ADCY3: variants seen among roughly 807,000 people sequenced by gnomAD.
The protein encoded by ADCY3 is adenylate cyclase type 3.
ADCY3 carries 70 observed loss-of-function variants against 119.4 expected under a neutral mutation model. The observed-to-expected ratio is 0.59, with a 90% CI of 0.48 to 0.72. The LOEUF (loss-of-function observed/expected upper bound fraction) is 0.72. Ranked by LOEUF, ADCY3 falls within the 30% of genes least tolerant of loss-of-function variation. The pLI, the probability that ADCY3 is intolerant of heterozygous loss-of-function variation, is 0.00. For synonymous variants in ADCY3, 672 were observed against 621.4 expected, an observed-to-expected ratio of 1.08 and a Z score of -1.21; for missense variants, 1,238 against 1,541.6, an observed-to-expected ratio of 0.80 and a Z score of 3.30.
chr2:24,873,111 C>G (rs1675234893), intron 2 of ADCY3, among the ~76,000 whole-genome samples: 3 of 152,228 alleles, frequency 2.0e-5, no homozygotes, highest in Non-Finnish European at 1.5e-5. Flanking sequence ...CGCATTTGCT[C>G]AAGCAGCACT....
chr2:24,909,792 C>G (rs1210466168), intron 2 of ADCY3, among the ~76,000 whole-genome samples: 4 of 152,190 alleles, frequency 2.6e-5, no homozygotes, highest in Non-Finnish European at 5.9e-5. Context: ...TCTCAGACAG[C>G]CTCAGAAGAC....
At chr2:24,884,747 G>T (rs138166226) in intron 2 of ADCY3, among the ~76,000 whole-genome samples, 5 of 152,042 alleles carry the variant, frequency 3.3e-5, no homozygotes, top group Admixed American at 6.5e-5. Context: ...AAAGTGCTGG[G>T]ATTACAGGTG....
Position 24,918,796 on chromosome 2 carries a change from G to A in ADCY3, c.192C>T (p.Asn64=), listed in dbSNP as rs1405540581. 6.2e-7 allele frequency: 1 copy of A among 1,613,912 alleles called. No homozygotes were observed. Among genetic ancestry groups the A allele is most frequent in the Non-Finnish European group, 8.5e-7 (1 of 1,180,034 alleles). Residue 64 remains asparagine, a synonymous_variant, in exon 2 of 22, where the codon AAC becomes AAT. Transcript: ENST00000679454. The surrounding 1 kb of genome is among the most constrained non-coding windows in gnomAD (Gnocchi z 5.4). The part of the protein sequence containing the change: ...RLTFVPESLE[N]LYQTYFKRQR... ...GCCTTTTGAAGTAGGTCTGGTAGAGGTTCTCCAAGGACTCCGGCACGAAAG... is the reference window on the plus strand; with the variant it reads ...GCCTTTTGAAGTAGGTCTGGTAGAGATTCTCCAAGGACTCCGGCACGAAAG...
At position 24,841,734 on chromosome 2, in the gene ADCY3, C is replaced by A; in HGVS notation, c.957-67G>T. The stretch of plus-strand genomic sequence containing the variant: ...CAGGTGTACCCGACCCCACTGCCAG[C>A]TCCCTCTCCAACCCACAGGGCAGCC... On this transcript the variant is annotated intron_variant, in intron 4 of 21. Transcript: ENST00000679454. This position sits in a 1 kb window ranked among gnomAD's most constrained non-coding sequence, Gnocchi z 5.8. 1 of 1,249,146 alleles carries A rather than the reference C, an allele frequency of 8.0e-7. No individual in the cohort carries two copies. The highest frequency in any genetic ancestry group is 2.4e-5 in the East Asian group (1 of 42,082). 77.4% of individuals were successfully genotyped at this position (1,249,146 alleles called of 1,614,324 possible).
intron 2 of ADCY3, among the ~76,000 whole-genome samples, chr2:24,911,327 C>A (rs1201798082): frequency 1.4e-5 from 2 of 147,614 alleles, no homozygotes; most frequent in African/African-American, 5.0e-5. Context: ...CTCAAGCCAT[C>A]CCCCTCCCCA....
intron 11 of ADCY3, among the ~76,000 whole-genome samples, chr2:24,833,259 C>A (rs914458182): frequency 1.3e-5 from 2 of 152,130 alleles, no homozygotes; most frequent in Non-Finnish European, 2.9e-5. Context: ...GTGTAGGAGG[C>A]CCCACGTCTG....
rs1675132025 is a variant in ADCY3 at position 24,872,420 on chromosome 2, G to GA, written c.825+149dup. The GA allele has an allele frequency of 3.1e-6, 3 of 975,904 alleles. No individual in the cohort carries two copies. Among genetic ancestry groups the GA allele is most frequent in the Non-Finnish European group, 4.6e-6 (3 of 659,198 alleles). The allele number at this position is 975,904 out of a possible 1,614,324, so 60.5% of individuals were successfully genotyped here. A position where few individuals can be genotyped will look rare whatever the true frequency, so the allele number is the denominator to read the frequency against. On this transcript the variant is annotated intron_variant, in intron 3 of 21. Transcript: ENST00000679454. This position sits in a 1 kb window ranked among gnomAD's most constrained non-coding sequence, Gnocchi z 4.4. The stretch of plus-strand genomic sequence containing the variant: ...CTGCCCTCTAATAGTGAGGAGCCCA[G>GA]AAGACAAAGTTCAGAAGCAAACACC...
intron 3 of ADCY3, among the ~76,000 whole-genome samples, chr2:24,847,527 G>A (rs1558447144): frequency 6.6e-6 from 1 of 152,178 alleles, no homozygotes; most frequent in Non-Finnish European, 1.5e-5. Flanking sequence ...CCGAAGCCTG[G>A]GAAGTGGCAT....
Position 24,872,352 on chromosome 2 carries a change from C to G in ADCY3, c.825+218G>C, listed in dbSNP as rs1482244008. On this transcript the variant is annotated intron_variant, in intron 3 of 21. Coordinates refer to ENST00000679454, the MANE Select transcript of ADCY3 (RefSeq NM_004036.5). This position sits in a 1 kb window ranked among gnomAD's most constrained non-coding sequence, Gnocchi z 4.4. The stretch of plus-strand genomic sequence containing the variant: ...CAGAAGAGGAGAGATCTGGGTCAAG[C>G]AGAAGCAGATTTAGGAGTGAGAGGC... Among the ~76,000 whole-genome samples the G allele has an allele frequency of 1.3e-5, 2 of 152,170 alleles. No homozygotes were observed. The highest frequency in any genetic ancestry group is 2.9e-5 in the Non-Finnish European group (2 of 68,022).
chr2:24,844,554 G>A (rs1429178751), intron 3 of ADCY3, among the ~76,000 whole-genome samples: 1 of 152,152 alleles, frequency 6.6e-6, no homozygotes, highest in Non-Finnish European at 1.5e-5. Flanking sequence ...TGGGGCAGGA[G>A]GAGGTGAAGG....
At chr2:24,838,811 G>C (rs923026214) in intron 7 of ADCY3, 189 bp from the exon 8 acceptor site, 18 of 1,607,202 alleles carry the variant, frequency 1.1e-5, no homozygotes, top group Non-Finnish European at 1.5e-5. Context: ...AGCTGTGTGG[G>C]CCGCTAACTA....
rs1303756445 is a variant in ADCY3 at position 24,842,627 on chromosome 2, G to A, written c.826-243C>T. Reference sequence around the variant, plus strand: ...AGAGCAACTGAGGGGAGCCAGAAACGCAGTGAAGCATCCCAACGTGGCTCT... The same window carrying A: ...AGAGCAACTGAGGGGAGCCAGAAACACAGTGAAGCATCCCAACGTGGCTCT... On this transcript the variant is annotated intron_variant, in intron 3 of 21. Coordinates refer to ENST00000679454, the MANE Select transcript of ADCY3 (RefSeq NM_004036.5). This position sits in a 1 kb window ranked among gnomAD's most constrained non-coding sequence, Gnocchi z 4.9. 2.0e-5 allele frequency: 10 copies of A among 507,632 alleles called. No individual in the cohort carries two copies. Among genetic ancestry groups the A allele is most frequent in the South Asian group, 1.7e-4 (8 of 47,948 alleles). The allele number at this position is 507,632 out of a possible 1,614,324, so 31.4% of individuals were successfully genotyped here. A position where few individuals can be genotyped will look rare whatever the true frequency, so the allele number is the denominator to read the frequency against.
intron 21 of ADCY3, 161 bp downstream of exon 21, chr2:24,820,563 G>A: frequency 7.0e-7 from 1 of 1,426,660 alleles, no homozygotes; most frequent in East Asian, 2.4e-5. Flanking sequence ...CCTGTGCTGA[G>A]GCTAGCTATT....
chr2:24,874,177 T>C (rs771963881), intron 2 of ADCY3, among the ~76,000 whole-genome samples: 3 of 152,172 alleles, frequency 2.0e-5, no homozygotes, highest in Non-Finnish European at 4.4e-5. Flanking sequence ...GCAGCCTCTG[T>C]GGCACTCAAC....
At chr2:24,894,422 C>T (rs1328272969) in intron 2 of ADCY3, among the ~76,000 whole-genome samples, 3 of 152,160 alleles carry the variant, frequency 2.0e-5, no homozygotes, top group Admixed American at 6.6e-5. Flanking sequence ...CTACAGTGAG[C>T]TATAATTGTG....
intron 3 of ADCY3, among the ~76,000 whole-genome samples, chr2:24,849,538 A>C (rs1672050007): frequency 6.6e-6 from 1 of 152,230 alleles, no homozygotes; most frequent in African/African-American, 2.4e-5. Flanking sequence ...TATGTTCTGA[A>C]AGCAGAAAAT....
chr2:24,839,946 T>C lies in ADCY3; in HGVS notation c.1282A>G (p.Lys428Glu). The change falls in exon 7 of 22, where the codon AAG becomes GAG. Residue 428 changes from lysine (K) to glutamate (E), a missense_variant. Lys to Glu is a moderately conservative substitution (Grantham distance 56, BLOSUM62 1). This residue lies in a region of ADCY3 where 283 missense variants were observed against 437.2 expected (regional missense o/e 0.65). Coordinates refer to ENST00000679454, the MANE Select transcript of ADCY3 (RefSeq NM_004036.5). ...GTVLGGVLGQ[K>E]RWQYDVWSTD... Reference sequence around the variant, plus strand: ...GACCACACGTCGTACTGCCAGCGCTTCTGGCCCAGGACGCCCCCCAGCACG... The same window carrying C: ...GACCACACGTCGTACTGCCAGCGCTCCTGGCCCAGGACGCCCCCCAGCACG... 6.2e-7 allele frequency: 1 copy of C among 1,613,850 alleles called. No individual in the cohort carries two copies. Among genetic ancestry groups the C allele is most frequent in the Non-Finnish European group, 8.5e-7 (1 of 1,180,008 alleles).
rs1667280351 is a variant in ADCY3, at chr2:24,819,869, T to C, written c.*63A>G. The C allele has an allele frequency of 1.3e-6, 2 of 1,546,192 alleles. No individual in the cohort carries two copies. Among genetic ancestry groups the C allele is most frequent in the Non-Finnish European group, 8.8e-7 (1 of 1,135,396 alleles). ...CACTTCAATCCAGGAAGGTCGGGAC[T>C]TCCTTCAGTTTCAAAAAATAAATTC... On this transcript the variant is annotated 3_prime_UTR_variant, in exon 22 of 22. Coordinates refer to ENST00000679454, the MANE Select transcript of ADCY3 (RefSeq NM_004036.5).
rs80261757 is a variant in ADCY3, at chr2:24,830,835, A to G, written c.2056-10T>C. The stretch of plus-strand genomic sequence containing the variant: ...GCTTCTTAGGAAAGGCCTAGAAGGA[A>G]CAGAATTTCAAGGGCCATGAGCCTT... On this transcript the variant is annotated splice_polypyrimidine_tract_variant and intron_variant, in intron 12 of 21. Coordinates refer to ENST00000679454, the MANE Select transcript of ADCY3 (RefSeq NM_004036.5). The G allele has an allele frequency of 3.9e-4, 623 of 1,607,768 alleles. 1 individual carries two copies. The Middle Eastern group carries it at 9.6e-3, about 25-fold the overall frequency.
Sources: gnomAD v4.1 joint callset for allele counts (sites outside exome capture counted in the v4.1 genomes callset) on GRCh38, gnomAD v4.1.1 for gene constraint, gnomAD v4.1.1 regional missense constraint, Gnocchi (gnomAD v3.1) non-coding constraint, MANE v1.5 for transcripts, NCBI Gene and HGNC (gene_info 2026-07-23, HGNC 2026-07-21) for gene names.